Variants in CHCHD3 observed in about 807,000 individuals in gnomAD.
CHCHD3 encodes MICOS complex subunit MIC19.
In CHCHD3, 20 loss-of-function variants were observed where a neutral mutation model predicts 38.2. That is an observed-to-expected ratio of 0.52 (90% CI 0.37 to 0.76). The LOEUF (loss-of-function observed/expected upper bound fraction) is 0.76, where lower values mean the gene tolerates loss of function less well. CHCHD3 is among the 30% of genes least tolerant of loss of function. The probability of loss-of-function intolerance (pLI) is 0.00; values close to 1 mark genes in which losing one functional copy is unlikely to be tolerated. For synonymous variants in CHCHD3, 82 were observed against 100.0 expected (o/e 0.82, Z 1.07); for missense variants, 245 against 279.2 (o/e 0.88, Z 0.87).
intron 4 of CHCHD3, among the ~76,000 whole-genome samples, chr7:132,888,547 G>A (rs1242580580): frequency 6.6e-6 from 1 of 151,748 alleles, no homozygotes; most frequent in East Asian, 1.9e-4. Flanking sequence ...CTTCTTATGT[G>A]GCCAATTTCA....
At position 133,076,058 on chromosome 7, in the gene CHCHD3, CAAAAAAA is replaced by C. The variant is rs58754100; in HGVS notation, c.81+5792_81+5798del. ...TGGGCAAGAGAATGAGATTCTATCT[CAAAAAAA>C]AAAAAAAAAAAAAAAAAAGTATCTT... On this transcript the variant is annotated intron_variant, in intron 1 of 7. Transcript: ENST00000262570. Among the ~76,000 whole-genome samples, 15 of 63,694 alleles carry C rather than the reference CAAAAAAA, an allele frequency of 2.4e-4. No individual in the cohort carries two copies. The East Asian group carries it at 3.6e-3, about 15-fold the overall frequency. The allele number at this position is 63,694 out of a possible 152,430, so 41.8% of individuals were successfully genotyped here.
intron 5 of CHCHD3, among the ~76,000 whole-genome samples, chr7:132,857,517 C>T (rs1035019433): frequency 2.0e-5 from 3 of 152,134 alleles, no homozygotes; most frequent in African/African-American, 7.2e-5. Context: ...AAGCGATTCT[C>T]CTGCCTCAGC....
intron 3 of CHCHD3, among the ~76,000 whole-genome samples, chr7:133,015,424 T>A (rs1183471915): frequency 2.0e-5 from 3 of 151,914 alleles, no homozygotes; most frequent in Non-Finnish European, 1.5e-5. Context: ...ATATTAACTG[T>A]AAAGACAGGT....
intron 3 of CHCHD3, among the ~76,000 whole-genome samples, chr7:133,006,569 C>T (rs1812706825): frequency 6.6e-6 from 1 of 151,984 alleles, no homozygotes; most frequent in African/African-American, 2.4e-5. Context: ...GGGCATAACA[C>T]AACACTGGTT....
chr7:132,937,646 T>C (rs1810662971), intron 4 of CHCHD3, among the ~76,000 whole-genome samples: 1 of 152,194 alleles, frequency 6.6e-6, no homozygotes, highest in Non-Finnish European at 1.5e-5. Context: ...TTACCTGCCT[T>C]TCCTCACTGA....
chr7:132,789,331 T>C (rs771994149), intron 7 of CHCHD3, among the ~76,000 whole-genome samples: 9 of 152,216 alleles, frequency 5.9e-5, no homozygotes, highest in Non-Finnish European at 1.2e-4. Context: ...TTCACGTATC[T>C]GGGCCTGCAG....
Position 132,894,225 on chromosome 7 carries a change from G to A in CHCHD3, c.370-8480C>T, listed in dbSNP as rs972388432. On this transcript the variant is annotated intron_variant, in intron 4 of 7. Transcript: ENST00000262570. The stretch of plus-strand genomic sequence containing the variant: ...CCAATTTTATAAACTTTCTTCTATA[G>A]CTTGAGAGAGAGGGAACAATTGTAA... Among the ~76,000 whole-genome samples, 53 of 152,156 alleles carry A rather than the reference G, an allele frequency of 3.5e-4. 1 individual carries two copies. The highest frequency in any genetic ancestry group is 1.3e-4 in the Admixed American group (2 of 15,282).
intron 4 of CHCHD3, among the ~76,000 whole-genome samples, chr7:132,922,233 G>T (rs1810279112): frequency 6.6e-6 from 1 of 152,154 alleles, no homozygotes; most frequent in Admixed American, 6.5e-5. Flanking sequence ...AAGACAAAGG[G>T]CGGGTACAGC....
At chr7:132,885,785 G>T in intron 4 of CHCHD3, 40 bp from the exon 5 acceptor site, 1 of 1,409,776 alleles carries the variant, frequency 7.1e-7, no homozygotes, top group South Asian at 1.3e-5. Flanking sequence ...TCAAGAAAAA[G>T]CAGCAACAGC....
chr7:132,908,086 C>T (rs570211836), intron 4 of CHCHD3, among the ~76,000 whole-genome samples: 1 of 152,078 alleles, frequency 6.6e-6, no homozygotes, highest in African/African-American at 2.4e-5. Flanking sequence ...GCTATTCTAA[C>T]ATAAAATTAA....
At position 132,966,495 on chromosome 7, in the gene CHCHD3, A is replaced by C. The variant is rs1217152702; in HGVS notation, c.369+8674T>G. On this transcript the variant is annotated intron_variant, in intron 4 of 7. Transcript: ENST00000262570. The stretch of plus-strand genomic sequence containing the variant: ...AAAGGAATACAGAGCTGTGATATTC[A>C]ACACTGTGAAAAATTTAACATCCAA... 5.3e-5 allele frequency among the ~76,000 whole-genome samples: 8 copies of C among 152,246 alleles called. No individual in the cohort carries two copies. The East Asian group carries it at 1.5e-3, about 29-fold the overall frequency.
At chr7:132,883,249 G>C (rs1448994557) in intron 5 of CHCHD3, among the ~76,000 whole-genome samples, 1 of 152,206 alleles carries the variant, frequency 6.6e-6, no homozygotes, top group Non-Finnish European at 1.5e-5. Flanking sequence ...TCTAGGTATA[G>C]AAGTAAAACA....
In CHCHD3 at chr7:132,869,749, A is replaced by AT. The variant is rs1438127002; in HGVS notation, c.453+15912dup. 4.6e-5 allele frequency among the ~76,000 whole-genome samples: 7 copies of AT among 151,590 alleles called. No individual in the cohort carries two copies. In the East Asian group the frequency reaches 5.9e-4, roughly 13 times the overall value. On this transcript the variant is annotated intron_variant, in intron 5 of 7. Coordinates refer to ENST00000262570, the MANE Select transcript of CHCHD3 (RefSeq NM_017812.4). ...CAGGCACACACCACCATGCTTGGCA[A>AT]TTTTTTTTATTTTTTGTAGAGGCAA...
At chr7:132,860,983 A>T (rs1585580818) in intron 5 of CHCHD3, among the ~76,000 whole-genome samples, 1 of 152,156 alleles carries the variant, frequency 6.6e-6, no homozygotes, top group South Asian at 2.1e-4. Context: ...TGGTGGAGGG[A>T]ACAGAAGATG....
chr7:133,013,185 CAAAA>C (rs778964079), intron 3 of CHCHD3, among the ~76,000 whole-genome samples: 2 of 18,418 alleles, frequency 1.1e-4, no homozygotes, highest in South Asian at 1.8e-3. Context: ...GACTCCGCCT[CAAAA>C]AAAAAAAAAA....
intron 6 of CHCHD3, chr7:132,815,766 C>T (rs1807187023): frequency 3.3e-6 from 1 of 306,098 alleles, no homozygotes; most frequent in African/African-American, 2.2e-5. Flanking sequence ...CAGATCCTTC[C>T]TATTTCTGGT....
At chr7:132,921,489 C>T (rs933912070) in intron 4 of CHCHD3, among the ~76,000 whole-genome samples, 2 of 152,084 alleles carry the variant, frequency 1.3e-5, no homozygotes, top group African/African-American at 4.8e-5. Flanking sequence ...GCATATTAGG[C>T]TCATCCTAAA....
intron 4 of CHCHD3, among the ~76,000 whole-genome samples, chr7:132,923,155 C>T (rs531298140): frequency 1.3e-4 from 20 of 152,280 alleles, no homozygotes; most frequent in African/African-American, 4.8e-4. Flanking sequence ...TCACAATAAA[C>T]TTGACTGAAA....
At chr7:132,931,352 T>C (rs1199185122) in intron 4 of CHCHD3, among the ~76,000 whole-genome samples, 4 of 152,224 alleles carry the variant, frequency 2.6e-5, no homozygotes, top group Non-Finnish European at 5.9e-5. Context: ...TTTTGCACAA[T>C]GTTTGTTGAA....
Sources: allele counts gnomAD v4.1 joint callset (sites outside exome capture counted in the v4.1 genomes callset), GRCh38; gene constraint gnomAD v4.1.1; transcripts MANE v1.5; gene names NCBI Gene and HGNC (gene_info 2026-07-23, HGNC 2026-07-21).